The following YBEY variants were observed in gnomAD, a reference collection of about 807,000 sequenced individuals.
YBEY encodes the protein endoribonuclease YbeY.
Under a neutral mutation model 13.5 loss-of-function variants are expected in YBEY, and 15 were observed. That is an observed-to-expected ratio of 1.11 (90% confidence interval 0.75 to 1.72). YBEY has a LOEUF of 1.72. Among genes scored for constraint, YBEY ranks in the 40% most tolerant of loss-of-function variants. YBEY has a pLI of 0.00. For synonymous variants in YBEY, 101 were observed against 83.1 expected, an observed-to-expected ratio of 1.21 and a Z score of -1.17; for missense variants, 244 against 208.4, an observed-to-expected ratio of 1.17 and a Z score of -1.05.
intron 4 of YBEY, 134 bp downstream of exon 4, chr21:46,296,364 G>C (rs1257775493): frequency 2.1e-6 from 2 of 938,728 alleles, no homozygotes; most frequent in Non-Finnish European, 3.2e-6. Flanking sequence ...TTGTAAAAAT[G>C]ACACAGATGT....
At chr21:46,306,133 T>C in the YBEY span, among the ~76,000 whole-genome samples, 1 of 151,238 alleles carries the variant, frequency 6.6e-6, no homozygotes, top group East Asian at 1.9e-4. Flanking sequence ...GCAAGCCCAG[T>C]GCAATCACAG....
downstream of YBEY, among the ~76,000 whole-genome samples, chr21:46,298,548 T>A (rs904696612): frequency 6.6e-6 from 1 of 150,376 alleles, no homozygotes; most frequent in Non-Finnish European, 1.5e-5. Context: ...TCCTGCTTCA[T>A]CCTCCCGAGT....
rs992986457 is a variant in YBEY, at chr21:46,286,975, G to A, written c.62G>A (p.Ser21Asn). The change falls in exon 2 of 5, where the codon AGT becomes AAT. Residue 21 changes from serine to asparagine, a missense_variant. Physicochemically the swap from Ser to Asn is conservative, Grantham distance 46. Transcript: ENST00000397701. Reference sequence around the variant, plus strand: ...CCCATCAGGAGAGCGCCACTTCGCAGTAAGATCGAGATTGTAAGGAGGATT... The same window carrying A: ...CCCATCAGGAGAGCGCCACTTCGCAATAAGATCGAGATTGTAAGGAGGATT... The part of the protein sequence containing the change: ...VIPIRRAPLR[S>N]KIEIVRRILG... 5 of 1,613,984 alleles carry A rather than the reference G, an allele frequency of 3.1e-6. No homozygotes were observed. The highest frequency in any genetic ancestry group is 4.2e-6 in the Non-Finnish European group (5 of 1,180,036).
the YBEY span, among the ~76,000 whole-genome samples, chr21:46,306,728 C>CA: frequency 1.3e-5 from 2 of 152,060 alleles, no homozygotes; most frequent in Non-Finnish European, 2.9e-5. Context: ...GCTAGGACCA[C>CA]AGGCATGCAC....
At chr21:46,299,732 G>A (rs1206576651), downstream of YBEY, among the ~76,000 whole-genome samples, 2 of 150,136 alleles carry the variant, frequency 1.3e-5, no homozygotes, top group Admixed American at 1.3e-4. Context: ...GTGTACAGGT[G>A]TGCACAATGT....
In YBEY at chr21:46,296,209, C is replaced by G. The variant is rs1447395276; in HGVS notation, c.387C>G (p.Gly129=). The change falls in exon 4 of 5, where the codon GGC becomes GGG. Residue 129 remains glycine, a synonymous_variant. Transcript: ENST00000397701. ...GLCHLLGFTH[G]TEAEWQQMFQ... is the part of the protein sequence containing the mutation. The stretch of plus-strand genomic sequence containing the variant: ...GTCACTTGCTGGGATTCACACACGG[C>G]ACGGAGGCAGAGTGGCAGCAGGTAA... 5.6e-6 allele frequency: 9 copies of G among 1,613,800 alleles called. No individual in the cohort carries two copies. Among genetic ancestry groups the G allele is most frequent in the Non-Finnish European group, 7.6e-6 (9 of 1,180,016 alleles).
intron 3 of YBEY, chr21:46,292,147 T>A (rs888398857): frequency 6.6e-6 from 1 of 152,128 alleles, no homozygotes; most frequent in African/African-American, 2.4e-5. Context: ...CCAGGTGGAG[T>A]CTGTAGGTTG....
chr21:46,309,797 C>T, the YBEY span, among the ~76,000 whole-genome samples: 1 of 151,952 alleles, frequency 6.6e-6, no homozygotes, highest in Non-Finnish European at 1.5e-5. Flanking sequence ...GAGTTCAAGA[C>T]CAGCCTGGCC....
the YBEY span, among the ~76,000 whole-genome samples, chr21:46,305,398 C>A: frequency 1.4e-5 from 2 of 145,194 alleles, no homozygotes; most frequent in South Asian, 4.3e-4. Flanking sequence ...GGTGTGAACA[C>A]AGCTCACTGC....
At chr21:46,305,804 T>C in the YBEY span, among the ~76,000 whole-genome samples, 1 of 151,884 alleles carries the variant, frequency 6.6e-6, no homozygotes, top group African/African-American at 2.4e-5. Flanking sequence ...TAGCCGGGCC[T>C]GGTGGCGGGC....
intron 3 of YBEY, 58 bp downstream of exon 3, chr21:46,291,520 G>T: frequency 1.2e-6 from 2 of 1,603,446 alleles, no homozygotes; most frequent in Non-Finnish European, 1.7e-6. Context: ...CCTTGCAAAG[G>T]GGTCAAGATC....
the YBEY span, among the ~76,000 whole-genome samples, chr21:46,303,731 ATATATATATATATATTTTTT>A: frequency 6.5e-3 from 185 of 28,432 alleles, 6 homozygotes; most frequent in Middle Eastern, 0.036. Context: ...ATATATATAT[ATATATATATATATATTTTTT>A]TTTTTTTTTT....
chr21:46,302,416 A>C, downstream of YBEY: 3 of 1,294,816 alleles, frequency 2.3e-6, no homozygotes, highest in Non-Finnish European at 2.2e-6. Flanking sequence ...CAGATGCAGA[A>C]ATTTCCAGAA....
Position 46,297,508 on chromosome 21 carries a change from G to C in YBEY, c.409-31G>C, listed in dbSNP as rs897220103. 9.6e-6 allele frequency: 13 copies of C among 1,356,010 alleles called. No homozygotes were observed. The African/African-American group carries it at 2.0e-4, about 21-fold the overall frequency. The allele number at this position is 1,356,010 out of a possible 1,614,324, so 84.0% of individuals were successfully genotyped here. Reference sequence around the variant, plus strand: ...AGAGTGGGGCGCGGACACCTTCCCTGGGGAGGGCCAGCGCGCTTCCTTCCT... The same window carrying C: ...AGAGTGGGGCGCGGACACCTTCCCTCGGGAGGGCCAGCGCGCTTCCTTCCT... On this transcript the variant is annotated intron_variant, in intron 4 of 4. Coordinates refer to ENST00000397701, the MANE Select transcript of YBEY (RefSeq NM_001314025.2).
chr21:46,302,953 C>G, the YBEY span, among the ~76,000 whole-genome samples: 3 of 131,524 alleles, frequency 2.3e-5, no homozygotes, highest in African/African-American at 8.6e-5. Context: ...GCGCCCTGAG[C>G]CCGTCTGTAC....
chr21:46,300,620 C>T, downstream of YBEY: 1 of 1,206,020 alleles, frequency 8.3e-7, no homozygotes, highest in Non-Finnish European at 1.1e-6. Context: ...GCGCTGGGCC[C>T]TTCGGTGTTC....
downstream of YBEY, chr21:46,300,847 A>G: frequency 8.5e-7 from 1 of 1,171,518 alleles, no homozygotes; most frequent in Admixed American, 3.0e-5. Flanking sequence ...TATGTAAACA[A>G]CATTAAAAGA....
At chr21:46,301,235 G>A (rs915417393), downstream of YBEY, 5 of 331,040 alleles carry the variant, frequency 1.5e-5, no homozygotes, top group East Asian at 8.4e-4. Flanking sequence ...TCTAACTCCT[G>A]GGCTCAAGCA....
downstream of YBEY, among the ~76,000 whole-genome samples, chr21:46,298,586 C>T (rs546934782): frequency 1.2e-4 from 18 of 151,706 alleles, no homozygotes; most frequent in Admixed American, 2.6e-4. Flanking sequence ...CCCGCCACCT[C>T]GCCCGGCTAA....
Sources: allele counts gnomAD v4.1 joint callset (sites outside exome capture counted in the v4.1 genomes callset), GRCh38; gene constraint gnomAD v4.1.1; transcripts MANE v1.5; gene names NCBI Gene and HGNC (gene_info 2026-07-23, HGNC 2026-07-21).